Variants in RELCH observed in about 807,000 individuals in gnomAD.
RELCH encodes the protein RAB11 binding and LisH domain, coiled-coil and HEAT repeat containing, also known as RAB11-binding protein RELCH.
In RELCH, 41 loss-of-function variants were observed where a neutral mutation model predicts 150.3. The ratio of observed to expected loss-of-function variants is 0.27; its 90% confidence interval spans 0.21 to 0.35. The LOEUF (loss-of-function observed/expected upper bound fraction) is 0.35. Among genes scored for constraint, RELCH ranks in the 10% least tolerant of loss-of-function variants. The pLI is 1.00. For synonymous variants in RELCH, 478 were observed against 531.8 expected (o/e 0.90, Z 1.39); for missense variants, 1,092 against 1,467.8 (o/e 0.74, Z 4.18).
chr18:62,268,911 C>G lies in RELCH; in HGVS notation c.2723C>G (p.Pro908Arg), dbSNP rs1196398048. The G allele has an allele frequency of 6.4e-7, 1 of 1,550,828 alleles. No homozygotes were observed. Among genetic ancestry groups the G allele is most frequent in the Non-Finnish European group, 8.7e-7 (1 of 1,145,054 alleles). ...GNGVLTKATV[P>R]IYATGVLTCY... ...GGGGTCCTCACTAAAGCTACAGTCC[C>G]CATTTATGCAACAGGAGTCCTTACG... Residue 908 changes from proline to arginine, a missense_variant, in exon 20 of 29, where the codon CCC becomes CGC. Physicochemically the swap from Pro to Arg is moderately radical, Grantham distance 103. This residue lies in a region of RELCH where 707 missense variants were observed against 1,025.4 expected (regional missense o/e 0.69). Transcript: ENST00000644646.
At chr18:62,203,675 T>C (rs975677118) in intron 1 of RELCH, among the ~76,000 whole-genome samples, 3 of 152,120 alleles carry the variant, frequency 2.0e-5, no homozygotes, top group Non-Finnish European at 4.4e-5. Context: ...CTTAATAATA[T>C]TGCAATTTCT....
intron 5 of RELCH, among the ~76,000 whole-genome samples, chr18:62,226,046 G>A (rs1042690717): frequency 1.3e-5 from 2 of 151,784 alleles, no homozygotes; most frequent in Admixed American, 6.6e-5. Flanking sequence ...TATCTACCTC[G>A]ATTTAGTCCT....
intron 10 of RELCH, among the ~76,000 whole-genome samples, chr18:62,242,944 T>A (rs1471684524): frequency 6.6e-6 from 1 of 152,052 alleles, no homozygotes; most frequent in Non-Finnish European, 1.5e-5. Context: ...ATGAGAAGTA[T>A]ACATGTAGAG....
chr18:62,246,210 A>G (rs1209036527), intron 11 of RELCH: 1 of 152,120 alleles, frequency 6.6e-6, no homozygotes, highest in Non-Finnish European at 1.5e-5. Flanking sequence ...TATACACAAA[A>G]CTTTCTATCT....
chr18:62,187,909 G>A lies in RELCH; in HGVS notation c.404G>A (p.Gly135Asp). 4 of 1,595,896 alleles carry A rather than the reference G, an allele frequency of 2.5e-6. No individual in the cohort carries two copies. Among genetic ancestry groups the A allele is most frequent in the Non-Finnish European group, 3.4e-6 (4 of 1,172,160 alleles). The change falls in exon 1 of 29, where the codon GGC becomes GAC. Residue 135 changes from glycine (G) to aspartate (D), a missense_variant. By Grantham distance (94) the Gly-to-Asp change is moderately conservative. Transcript: ENST00000644646. ...PRLRDYFSNP[G>D]NFERQSGTPP... ...CTGCGCGACTACTTCTCCAATCCAGGCAACTTCGAGAGGCAAAGTGGAACC... is the reference window on the plus strand; with the variant it reads ...CTGCGCGACTACTTCTCCAATCCAGACAACTTCGAGAGGCAAAGTGGAACC...
chr18:62,262,461 T>C (rs2043323267), intron 16 of RELCH, among the ~76,000 whole-genome samples: 1 of 152,108 alleles, frequency 6.6e-6, no homozygotes, highest in South Asian at 2.1e-4. Context: ...ATTTTTCATG[T>C]AAACTGTAGG....
intron 1 of RELCH, among the ~76,000 whole-genome samples, chr18:62,205,180 G>A (rs1177432829): frequency 1.3e-5 from 2 of 152,152 alleles, no homozygotes; most frequent in Non-Finnish European, 2.9e-5. Flanking sequence ...TATCATGCAT[G>A]TCATTAATTA....
chr18:62,295,873 A>G (rs1220968746), intron 27 of RELCH, among the ~76,000 whole-genome samples: 1 of 152,174 alleles, frequency 6.6e-6, no homozygotes, highest in Non-Finnish European at 1.5e-5. Flanking sequence ...ATGCTCAGCT[A>G]TGAATTTAAG....
intron 11 of RELCH, among the ~76,000 whole-genome samples, chr18:62,251,038 T>C (rs931648330): frequency 1.3e-5 from 2 of 152,224 alleles, no homozygotes; most frequent in African/African-American, 4.8e-5. Context: ...GGAACTTCAT[T>C]CTGAAGAGTG....
intron 26 of RELCH, among the ~76,000 whole-genome samples, chr18:62,288,039 G>A (rs1248965912): frequency 6.6e-6 from 1 of 152,056 alleles, no homozygotes; most frequent in African/African-American, 2.4e-5. Flanking sequence ...AATGCCTTCT[G>A]TTTTTTATAG....
chr18:62,258,430 A>T, intron 14 of RELCH, 82 bp from the exon 15 acceptor site: 1 of 1,224,518 alleles, frequency 8.2e-7, no homozygotes. Context: ...TAATTTATTG[A>T]AATTTTTATT....
intron 11 of RELCH, among the ~76,000 whole-genome samples, chr18:62,251,270 A>C (rs1434738860): frequency 6.6e-6 from 1 of 152,222 alleles, no homozygotes; most frequent in African/African-American, 2.4e-5. Flanking sequence ...TTGGGGCTAT[A>C]GTCATCTCAG....
rs955074293 is a variant in RELCH at position 62,201,311 on chromosome 18, G to C, written c.527-9842G>C. Among the ~76,000 whole-genome samples the C allele has an allele frequency of 9.2e-5, 14 of 151,910 alleles. No individual in the cohort carries two copies. The South Asian group carries it at 2.5e-3, about 27-fold the overall frequency. Reference sequence around the variant, plus strand: ...TTAAAATGTTTACACACAACCTCAGGTTTAAATAGAATTACTTTTAAAGTA... The same window carrying C: ...TTAAAATGTTTACACACAACCTCAGCTTTAAATAGAATTACTTTTAAAGTA... On this transcript the variant is annotated intron_variant, in intron 1 of 28. Coordinates refer to ENST00000644646, the MANE Select transcript of RELCH (RefSeq NM_001346231.2).
chr18:62,291,920 C>G (rs1363258477), intron 27 of RELCH, among the ~76,000 whole-genome samples: 1 of 152,134 alleles, frequency 6.6e-6, no homozygotes, highest in African/African-American at 2.4e-5. Context: ...TATTAGTTCT[C>G]TCTGACCATC....
At chr18:62,228,213 C>A in intron 7 of RELCH, 92 bp from the exon 8 acceptor site, 1 of 1,021,628 alleles carries the variant, frequency 9.8e-7, no homozygotes, top group Non-Finnish European at 1.5e-6. Context: ...TTTAAATATG[C>A]TTTTAAAACA....
At chr18:62,243,396 G>C (rs1008573615) in intron 10 of RELCH, among the ~76,000 whole-genome samples, 3 of 152,106 alleles carry the variant, frequency 2.0e-5, no homozygotes, top group Admixed American at 6.6e-5. Context: ...CTCATTCCCA[G>C]TGCAAAATTA....
intron 15 of RELCH, 90 bp from the exon 16 acceptor site, chr18:62,261,421 T>G: frequency 8.3e-7 from 1 of 1,205,202 alleles, no homozygotes; most frequent in Non-Finnish European, 1.2e-6. Context: ...ATCTTTGATT[T>G]GCCACAGTAA....
intron 7 of RELCH, 64 bp downstream of exon 7, chr18:62,227,753 G>A (rs2041308518): frequency 4.1e-6 from 3 of 724,626 alleles, no homozygotes; most frequent in African/African-American, 1.8e-5. Context: ...GGCAAGTTAT[G>A]CAAATATATG....
chr18:62,249,175 T>C (rs1236084544), intron 11 of RELCH, among the ~76,000 whole-genome samples: 3 of 152,236 alleles, frequency 2.0e-5, no homozygotes, highest in African/African-American at 7.2e-5. Context: ...ATATAATTTT[T>C]CCTCTTCTGA....
Sources: gnomAD v4.1 joint callset for allele counts (sites outside exome capture counted in the v4.1 genomes callset) on GRCh38, gnomAD v4.1.1 for gene constraint, gnomAD v4.1.1 regional missense constraint, MANE v1.5 for transcripts, NCBI Gene and HGNC (gene_info 2026-07-23, HGNC 2026-07-21) for gene names.